CPNE4: variants seen among roughly 807,000 people sequenced by gnomAD.
CPNE4 encodes the protein copine-4.
CPNE4 carries 25 observed loss-of-function variants against 67.9 expected under a neutral mutation model. The observed-to-expected ratio is 0.37, with a 90% confidence interval of 0.27 to 0.51. The LOEUF (loss-of-function observed/expected upper bound fraction) is 0.51, where lower values mean the gene tolerates loss of function less well. Ranked by LOEUF, CPNE4 falls within the 20% of genes least tolerant of loss-of-function variation. The probability of loss-of-function intolerance (pLI) is 0.93; values close to 1 mark genes in which losing one functional copy is unlikely to be tolerated. For synonymous variants in CPNE4, 242 were observed against 244.9 expected (o/e 0.99, Z 0.11); for missense variants, 464 against 690.8 (o/e 0.67, Z 3.68).
intron 1 of CPNE4, among the ~76,000 whole-genome samples, chr3:132,002,564 A>G (rs1194935325): frequency 5.9e-5 from 9 of 152,152 alleles, no homozygotes. Context: ...TGCCTGAAGC[A>G]TTGACACTTG....
At chr3:131,869,841 T>C (rs2107690011) in intron 2 of CPNE4, among the ~76,000 whole-genome samples, 1 of 152,322 alleles carries the variant, frequency 6.6e-6, no homozygotes, top group Middle Eastern at 3.4e-3. Flanking sequence ...TACCAGGCTG[T>C]CTGTTTGGCA....
intron 1 of CPNE4, among the ~76,000 whole-genome samples, chr3:131,939,740 A>G (rs2071334687): frequency 6.6e-6 from 1 of 152,134 alleles, no homozygotes; most frequent in South Asian, 2.1e-4. Context: ...AAACACTTAT[A>G]TATTTTATCC....
At chr3:131,861,671 G>A (rs895767415) in intron 2 of CPNE4, among the ~76,000 whole-genome samples, 10 of 152,094 alleles carry the variant, frequency 6.6e-5, no homozygotes, top group African/African-American at 1.9e-4. Flanking sequence ...GACCTCAGGC[G>A]ATCCACCGGC....
intron 7 of CPNE4, among the ~76,000 whole-genome samples, chr3:131,620,645 C>T (rs1940413560): frequency 6.6e-6 from 1 of 152,030 alleles, no homozygotes; most frequent in African/African-American, 2.4e-5. Context: ...TCCAGGTGGG[C>T]CCAATATAAT....
chr3:131,799,835 C>T (rs1453241545), intron 2 of CPNE4, among the ~76,000 whole-genome samples: 1 of 151,790 alleles, frequency 6.6e-6, no homozygotes, highest in Non-Finnish European at 1.5e-5. Flanking sequence ...CATCAAAGAA[C>T]AAGTGTAATA....
intron 3 of CPNE4, among the ~76,000 whole-genome samples, chr3:131,702,501 G>A (rs2081325667): frequency 6.6e-6 from 1 of 152,080 alleles, no homozygotes; most frequent in Non-Finnish European, 1.5e-5. Flanking sequence ...ACTAAAGAAA[G>A]GCAATGTATC....
intron 3 of CPNE4, among the ~76,000 whole-genome samples, chr3:131,719,588 A>G (rs1265626743): frequency 6.6e-6 from 1 of 152,116 alleles, no homozygotes; most frequent in Non-Finnish European, 1.5e-5. Context: ...CATATGTGCT[A>G]TCTCCATCAT....
chr3:131,671,972 C>T (rs1582997070), intron 6 of CPNE4, among the ~76,000 whole-genome samples: 1 of 151,856 alleles, frequency 6.6e-6, no homozygotes, highest in Admixed American at 6.6e-5. Context: ...CCCCTACTAC[C>T]CTTCGCAGCC....
intron 7 of CPNE4, among the ~76,000 whole-genome samples, chr3:131,615,258 G>A (rs1940069461): frequency 6.6e-6 from 1 of 152,218 alleles, no homozygotes; most frequent in African/African-American, 2.4e-5. Flanking sequence ...GCTGTGATGA[G>A]CAGAGCCTTT....
intron 2 of CPNE4, among the ~76,000 whole-genome samples, chr3:131,763,492 A>G (rs1560263305): frequency 6.6e-6 from 1 of 152,248 alleles, no homozygotes; most frequent in Middle Eastern, 3.4e-3. Flanking sequence ...TCACTTTAAC[A>G]TAGCACATAA....
At chr3:131,789,916 G>C (rs1173709721) in intron 2 of CPNE4, among the ~76,000 whole-genome samples, 1 of 152,132 alleles carries the variant, frequency 6.6e-6, no homozygotes, top group African/African-American at 2.4e-5. Context: ...GGATTATATG[G>C]TGCTGAAGTT....
At chr3:131,965,378 T>C (rs2072313678) in intron 1 of CPNE4, among the ~76,000 whole-genome samples, 1 of 152,120 alleles carries the variant, frequency 6.6e-6, no homozygotes, top group Non-Finnish European at 1.5e-5. Flanking sequence ...ATAACAATAT[T>C]AACCTTAAAT....
At chr3:131,853,312 C>T (rs950723390) in intron 2 of CPNE4, among the ~76,000 whole-genome samples, 1 of 151,644 alleles carries the variant, frequency 6.6e-6, no homozygotes, top group African/African-American at 2.4e-5. Flanking sequence ...TAAAGCAATT[C>T]AATATGGAAA....
intron 11 of CPNE4, among the ~76,000 whole-genome samples, chr3:131,556,835 A>T (rs540613527): frequency 1.3e-5 from 2 of 152,206 alleles, no homozygotes; most frequent in African/African-American, 4.8e-5. Context: ...AGTTGACAGG[A>T]TGGGGAAGAG....
At chr3:131,695,046 T>C (rs2081118580) in intron 5 of CPNE4, among the ~76,000 whole-genome samples, 1 of 152,220 alleles carries the variant, frequency 6.6e-6, no homozygotes, top group Non-Finnish European at 1.5e-5. Flanking sequence ...CCTCATTTCC[T>C]GAAGAGGTTG....
At chr3:132,019,260 C>A (rs1181479698) in intron 1 of CPNE4, among the ~76,000 whole-genome samples, 1 of 151,966 alleles carries the variant, frequency 6.6e-6, no homozygotes, top group African/African-American at 2.4e-5. Context: ...TTTTGTGAGA[C>A]CAAATATTAG....
At chr3:131,891,498 T>C (rs2088112471) in intron 2 of CPNE4, among the ~76,000 whole-genome samples, 1 of 152,000 alleles carries the variant, frequency 6.6e-6, no homozygotes, top group Admixed American at 6.6e-5. Context: ...TAGGGATTTG[T>C]TGTATGGATT....
At chr3:131,854,039 C>T (rs1192589342) in intron 2 of CPNE4, among the ~76,000 whole-genome samples, 2 of 151,698 alleles carry the variant, frequency 1.3e-5, no homozygotes, top group Non-Finnish European at 2.9e-5. Flanking sequence ...TATGTATTTT[C>T]CCAAAAGAAA....
intron 2 of CPNE4, among the ~76,000 whole-genome samples, chr3:131,860,546 C>A (rs1055774106): frequency 6.6e-6 from 1 of 152,196 alleles, no homozygotes; most frequent in Non-Finnish European, 1.5e-5. Context: ...CATTGAAGCT[C>A]TCCACACATT....
Sources: allele counts gnomAD v4.1 joint callset (sites outside exome capture counted in the v4.1 genomes callset), GRCh38; gene constraint gnomAD v4.1.1; transcripts MANE v1.5; gene names NCBI Gene and HGNC (gene_info 2026-07-23, HGNC 2026-07-21).